WARS1: variants seen among roughly 807,000 people sequenced by gnomAD.
The protein encoded by WARS1 is tryptophan--tRNA ligase, cytoplasmic.
A neutral mutation model predicts 47.8 loss-of-function variants in WARS1; 17 were observed. The ratio of observed to expected loss-of-function variants is 0.36; its 90% CI spans 0.24 to 0.53. The LOEUF (loss-of-function observed/expected upper bound fraction) is 0.53. WARS1 is among the 20% of genes least tolerant of loss of function. The pLI is 0.91. For synonymous variants in WARS1, 208 were observed against 228.1 expected, an observed-to-expected ratio of 0.91 and a Z score of 0.79; for missense variants, 434 against 608.0, an observed-to-expected ratio of 0.71 and a Z score of 3.01.
chr14:100,351,929 C>T (rs1188528600), intron 6 of WARS1, among the ~76,000 whole-genome samples: 1 of 150,776 alleles, frequency 6.6e-6, no homozygotes, highest in Non-Finnish European at 1.5e-5. Context: ...AGAGGCGGAG[C>T]TTGCAGTGAG....
intron 2 of WARS1, 21 bp downstream of exon 2, chr14:100,369,066 G>A: frequency 1.3e-6 from 2 of 1,502,988 alleles, no homozygotes; most frequent in Non-Finnish European, 9.0e-7. Flanking sequence ...CCTTCGTGGA[G>A]AACCCAGCAA....
At position 100,348,445 on chromosome 14, in the gene WARS1, G is replaced by C. The variant is rs187980149; in HGVS notation, c.726-1599C>G. Reference sequence around the variant, plus strand: ...CCGGCTGAGTTTCAGGCCCTGGGGGGCACTGGAGAGGGCGGGCGCAGTACT... The same window carrying C: ...CCGGCTGAGTTTCAGGCCCTGGGGGCCACTGGAGAGGGCGGGCGCAGTACT... On this transcript the variant is annotated intron_variant, in intron 6 of 10. Coordinates refer to ENST00000392882, the MANE Select transcript of WARS1 (RefSeq NM_004184.4). Among the ~76,000 whole-genome samples, 733 of 152,310 alleles carry C rather than the reference G, an allele frequency of 4.8e-3. 3 individuals carry two copies. Among genetic ancestry groups the C allele is most frequent in the Non-Finnish European group, 6.7e-3 (455 of 68,020 alleles).
At chr14:100,342,715 C>CA in intron 8 of WARS1, 144 bp from the exon 9 acceptor site, 3 of 581,456 alleles carry the variant, frequency 5.2e-6, no homozygotes, top group East Asian at 3.7e-5. Context: ...TCATCTTTTC[C>CA]TTTTTTTTTT....
chr14:100,361,691 G>A lies in WARS1; in HGVS notation c.313+17C>T. The A allele has an allele frequency of 1.9e-6, 3 of 1,606,610 alleles. No homozygotes were observed. The highest frequency in any genetic ancestry group is 1.7e-6 in the Non-Finnish European group (2 of 1,174,470). On this transcript the variant is annotated intron_variant, in intron 3 of 10. Transcript: ENST00000392882. ...TAAAAGTTGCAGCTTTTTCTGGGAA[G>A]AAAGCAGAGGACGTACCAATGAGCT...
At chr14:100,363,914 C>T (rs942608662) in intron 2 of WARS1, among the ~76,000 whole-genome samples, 2 of 152,104 alleles carry the variant, frequency 1.3e-5, no homozygotes, top group African/African-American at 2.4e-5. Context: ...GCATGAGCCA[C>T]GGAGCCTCGC....
At chr14:100,363,396 G>A (rs114502176) in intron 2 of WARS1, among the ~76,000 whole-genome samples, 1 of 152,174 alleles carries the variant, frequency 6.6e-6, no homozygotes, top group African/African-American at 2.4e-5. Context: ...ACTGAAACAG[G>A]ATTCAAAAGC....
At chr14:100,337,338 A>C (rs1893814514) in intron 9 of WARS1, 136 bp from the exon 10 acceptor site, 1 of 1,335,238 alleles carries the variant, frequency 7.5e-7, no homozygotes, top group South Asian at 1.4e-5. Flanking sequence ...CAAGGCGCAC[A>C]GCCGGTTGGG....
rs150889386 is a variant in WARS1, at chr14:100,356,555, T to C, written c.423-1989A>G. ...AATACATTAGATAACCTTGATGAAATAGACAAATTCCTAGAAACAAACTAC... is the reference window on the plus strand; with the variant it reads ...AATACATTAGATAACCTTGATGAAACAGACAAATTCCTAGAAACAAACTAC... On this transcript the variant is annotated intron_variant, in intron 4 of 10. Coordinates refer to ENST00000392882, the MANE Select transcript of WARS1 (RefSeq NM_004184.4). 5.9e-3 allele frequency among the ~76,000 whole-genome samples: 899 copies of C among 152,070 alleles called. 15 individuals are homozygous for C. The highest frequency in any genetic ancestry group is 5.5e-3 in the Non-Finnish European group (376 of 67,972).
In WARS1 at chr14:100,357,039, TAAA is replaced by T. The variant is rs529214696; in HGVS notation, c.423-2476_423-2474del. Among the ~76,000 whole-genome samples the T allele has an allele frequency of 6.9e-3, 1,054 of 152,256 alleles. 4 individuals carry two copies. The highest frequency in any genetic ancestry group is 0.012 in the Non-Finnish European group (805 of 68,008). ...CTATCAGTGTGATACACCATACTAA[TAAA>T]ATAGAGGCCAAAACCCACATGATCA... On this transcript the variant is annotated intron_variant, in intron 4 of 10. Coordinates refer to ENST00000392882, the MANE Select transcript of WARS1 (RefSeq NM_004184.4).
chr14:100,359,470 T>C (rs1193070758), intron 4 of WARS1, among the ~76,000 whole-genome samples: 1 of 152,162 alleles, frequency 6.6e-6, no homozygotes, highest in Non-Finnish European at 1.5e-5. Flanking sequence ...AATCTAGATA[T>C]AGAGAAAGCA....
At chr14:100,352,511 T>C (rs921137262) in intron 6 of WARS1, among the ~76,000 whole-genome samples, 1 of 152,172 alleles carries the variant, frequency 6.6e-6, no homozygotes, top group Admixed American at 6.5e-5. Flanking sequence ...CCTGCCCCTT[T>C]AGTGTCCCTC....
intron 4 of WARS1, among the ~76,000 whole-genome samples, chr14:100,359,389 G>C (rs1895521730): frequency 6.6e-6 from 1 of 152,212 alleles, no homozygotes; most frequent in East Asian, 1.9e-4. Flanking sequence ...CCTTGAAAAT[G>C]TTATGCCAAG....
chr14:100,366,171 C>T (rs570963532), intron 2 of WARS1: 1 of 450,670 alleles, frequency 2.2e-6, no homozygotes, highest in Non-Finnish European at 4.5e-6. Flanking sequence ...GAATAGGGAG[C>T]TTCGGGGAAG....
chr14:100,365,124 T>TACACACACACAC (rs59205319), intron 2 of WARS1, among the ~76,000 whole-genome samples: 4,855 of 137,748 alleles, frequency 0.035, 114 homozygotes, highest in Non-Finnish European at 0.051. Context: ...TCTCAAAAAA[T>TACACACACACAC]ACACACACAC....
At chr14:100,353,177 A>T (rs1268496508) in intron 6 of WARS1, 1 of 152,462 alleles carries the variant, frequency 6.6e-6, no homozygotes, top group Non-Finnish European at 1.5e-5. Flanking sequence ...ATATCACTTA[A>T]TCCTTTCTAT....
chr14:100,357,359 T>C (rs189009726), intron 4 of WARS1, among the ~76,000 whole-genome samples: 5 of 152,246 alleles, frequency 3.3e-5, no homozygotes, highest in Admixed American at 2.6e-4. Flanking sequence ...GATACAATCC[T>C]ATATGTAGGA....
chr14:100,359,802 A>G (rs182131877), intron 4 of WARS1, among the ~76,000 whole-genome samples: 1 of 152,348 alleles, frequency 6.6e-6, no homozygotes, highest in East Asian at 1.9e-4. Context: ...TGAATTAAGG[A>G]AAATTTTTTA....
intron 4 of WARS1, among the ~76,000 whole-genome samples, chr14:100,359,790 T>C (rs1422505216): frequency 6.6e-6 from 1 of 152,184 alleles, no homozygotes; most frequent in East Asian, 1.9e-4. Context: ...TTTTATAGTA[T>C]GTGAATTAAG....
chr14:100,337,836 C>T (rs887270658), intron 9 of WARS1, among the ~76,000 whole-genome samples: 3 of 151,512 alleles, frequency 2.0e-5, no homozygotes, highest in Non-Finnish European at 2.9e-5. Context: ...CCAGCCTCGG[C>T]GACAGAGCAA....
Sources: allele counts gnomAD v4.1 joint callset (sites outside exome capture counted in the v4.1 genomes callset), GRCh38; gene constraint gnomAD v4.1.1; transcripts MANE v1.5; gene names NCBI Gene and HGNC (gene_info 2026-07-23, HGNC 2026-07-21).